The following KIAA1217 variants were observed in gnomAD, a reference collection of about 807,000 sequenced individuals.
KIAA1217 encodes sickle tail protein homolog.
A neutral mutation model predicts 163.9 loss-of-function variants in KIAA1217; 88 were observed. The ratio of observed to expected loss-of-function variants is 0.54; its 90% CI spans 0.45 to 0.64. KIAA1217 has a LOEUF of 0.64. Among genes scored for constraint, KIAA1217 ranks in the 30% least tolerant of loss-of-function variants. The probability of loss-of-function intolerance (pLI) is 0.00; values close to 1 mark genes in which losing one functional copy is unlikely to be tolerated. For missense variants in KIAA1217, 2,372 were observed against 2,475.0 expected, an observed-to-expected ratio of 0.96 and a Z score of 0.88; for synonymous variants, 903 against 923.1, an observed-to-expected ratio of 0.98 and a Z score of 0.39.
chr10:23,753,841 A>G (rs1169306502), intron 1 of KIAA1217, among the ~76,000 whole-genome samples: 1 of 152,220 alleles, frequency 6.6e-6, no homozygotes, highest in Non-Finnish European at 1.5e-5. Context: ...GAACTTAGAG[A>G]AAATCATAGA....
chr10:24,313,529 G>T (rs768689874), intron 2 of KIAA1217, among the ~76,000 whole-genome samples: 3 of 152,168 alleles, frequency 2.0e-5, no homozygotes, highest in Non-Finnish European at 2.9e-5. Flanking sequence ...GCTGCCCGGG[G>T]TTAGCGCCAG....
chr10:24,454,999 C>G (rs527244756), intron 5 of KIAA1217, among the ~76,000 whole-genome samples: 1 of 151,602 alleles, frequency 6.6e-6, no homozygotes, highest in African/African-American at 2.4e-5. Context: ...AGCTTGCAAT[C>G]TGAGAGAACC....
intron 1 of KIAA1217, among the ~76,000 whole-genome samples, chr10:23,871,188 T>C (rs1414803441): frequency 1.1e-4 from 16 of 152,084 alleles, no homozygotes; most frequent in African/African-American, 3.9e-4. Flanking sequence ...TGGCCTCCTT[T>C]CCTAGTCACT....
intron 2 of KIAA1217, among the ~76,000 whole-genome samples, chr10:24,043,172 A>G (rs995257544): frequency 6.6e-6 from 1 of 152,190 alleles, no homozygotes; most frequent in African/African-American, 2.4e-5. Flanking sequence ...TAAAAATATA[A>G]TAGTAATTTC....
chr10:23,880,676 A>G (rs1840909761), intron 1 of KIAA1217, among the ~76,000 whole-genome samples: 1 of 152,032 alleles, frequency 6.6e-6, no homozygotes, highest in African/African-American at 2.4e-5. Flanking sequence ...TGTGATTATT[A>G]TGCGTGGCAT....
chr10:24,469,647 T>G (rs2063292050), intron 5 of KIAA1217, among the ~76,000 whole-genome samples: 1 of 152,140 alleles, frequency 6.6e-6, no homozygotes, highest in African/African-American at 2.4e-5. Context: ...AGTCTCACTT[T>G]GTCACCCAGG....
intron 1 of KIAA1217, among the ~76,000 whole-genome samples, chr10:23,765,132 G>A (rs1834443749): frequency 1.3e-5 from 2 of 150,908 alleles, no homozygotes; most frequent in East Asian, 3.9e-4. Flanking sequence ...AAACACCATA[G>A]GACTCTTGTC....
At chr10:23,918,587 T>C (rs1038505851) in intron 1 of KIAA1217, among the ~76,000 whole-genome samples, 3 of 152,086 alleles carry the variant, frequency 2.0e-5, no homozygotes, top group Non-Finnish European at 4.4e-5. Context: ...TGCGCTGTCA[T>C]AGACCTGCTG....
At chr10:24,226,376 CA>C (rs1324681160) in intron 2 of KIAA1217, among the ~76,000 whole-genome samples, 2 of 151,980 alleles carry the variant, frequency 1.3e-5, no homozygotes, top group East Asian at 3.9e-4. Flanking sequence ...CCTGCAGTCC[CA>C]ACACTTTGGG....
intron 5 of KIAA1217, among the ~76,000 whole-genome samples, chr10:24,443,137 C>T (rs921614475): frequency 4.6e-5 from 7 of 152,130 alleles, no homozygotes; most frequent in Non-Finnish European, 8.8e-5. Context: ...TCTCAAACTC[C>T]TGACCTCAGG....
intron 17 of KIAA1217, among the ~76,000 whole-genome samples, chr10:24,538,222 A>G (rs7100799): frequency 0.34 from 51,932 of 152,018 alleles, 8,984 homozygotes; most frequent in Middle Eastern, 0.47. Flanking sequence ...GCTCCCAGCC[A>G]AGAGGCCTTG....
intron 1 of KIAA1217, among the ~76,000 whole-genome samples, chr10:23,737,814 A>T (rs887685478): frequency 6.6e-6 from 1 of 151,418 alleles, no homozygotes; most frequent in African/African-American, 2.4e-5. Context: ...GCCCATTGAC[A>T]GTTATTTTCT....
intron 2 of KIAA1217, among the ~76,000 whole-genome samples, chr10:24,166,138 G>T (rs1302999494): frequency 1.3e-5 from 2 of 151,770 alleles, no homozygotes; most frequent in African/African-American, 4.8e-5. Context: ...AAAATTTCAA[G>T]GATACTTTTT....
chr10:23,971,313 A>G (rs1443257194), intron 1 of KIAA1217, among the ~76,000 whole-genome samples: 1 of 152,188 alleles, frequency 6.6e-6, no homozygotes, highest in Non-Finnish European at 1.5e-5. Flanking sequence ...CACTCGCCCA[A>G]TTCCTGAGAT....
At chr10:24,314,700 G>A (rs2043130043) in intron 2 of KIAA1217, among the ~76,000 whole-genome samples, 1 of 152,088 alleles carries the variant, frequency 6.6e-6, no homozygotes, top group Non-Finnish European at 1.5e-5. Flanking sequence ...CCAGCACTTT[G>A]GGAGGCCGAG....
intron 17 of KIAA1217, chr10:24,542,296 T>C (rs1176274915): frequency 1.9e-5 from 4 of 205,194 alleles, no homozygotes; most frequent in Non-Finnish European, 4.0e-5. Flanking sequence ...TAGTGGCAGA[T>C]CTTGATTAGG....
intron 4 of KIAA1217, among the ~76,000 whole-genome samples, chr10:24,436,492 C>T (rs1454233064): frequency 2.0e-5 from 3 of 149,810 alleles, no homozygotes; most frequent in African/African-American, 7.4e-5. Context: ...GGCGCTGTGG[C>T]TCACGCCTGT....
intron 2 of KIAA1217, among the ~76,000 whole-genome samples, chr10:24,140,305 AG>A: frequency 6.6e-6 from 1 of 151,322 alleles, no homozygotes; most frequent in East Asian, 1.9e-4. Flanking sequence ...GGTTGCAGTG[AG>A]CCGAAATCGT....
intron 1 of KIAA1217, among the ~76,000 whole-genome samples, chr10:23,920,885 T>G (rs1228323687): frequency 6.6e-6 from 1 of 152,186 alleles, no homozygotes; most frequent in African/African-American, 2.4e-5. Context: ...GTTTTTCACA[T>G]GCTGTTCTTG....
Sources: allele counts gnomAD v4.1 joint callset (sites outside exome capture counted in the v4.1 genomes callset), GRCh38; gene constraint gnomAD v4.1.1; transcripts MANE v1.5; gene names NCBI Gene and HGNC (gene_info 2026-07-23, HGNC 2026-07-21).